The following SDK2 variants were observed in gnomAD, a reference collection of about 807,000 sequenced individuals.
The protein encoded by SDK2 is sidekick cell adhesion molecule 2.
SDK2 carries 105 observed loss-of-function variants against 253.9 expected under a neutral mutation model. The ratio of observed to expected loss-of-function variants is 0.41; its 90% CI spans 0.35 to 0.49. SDK2 has a LOEUF of 0.49. Among genes scored for constraint, SDK2 ranks in the 20% least tolerant of loss-of-function variants. SDK2 has a pLI of 0.06. For missense variants in SDK2, 2,608 were observed against 3,003.0 expected, an observed-to-expected ratio of 0.87 and a Z score of 3.07; for synonymous variants, 1,249 against 1,234.9, an observed-to-expected ratio of 1.01 and a Z score of -0.24.
intron 24 of SDK2, 123 bp downstream of exon 24, chr17:73,397,912 C>T (rs376888468): frequency 4.9e-5 from 53 of 1,081,592 alleles, no homozygotes; most frequent in East Asian, 2.6e-4. Context: ...GATTATCAGG[C>T]ATCTCATCAG....
chr17:73,471,009 C>A (rs993064097), intron 3 of SDK2, among the ~76,000 whole-genome samples: 1 of 151,908 alleles, frequency 6.6e-6, no homozygotes, highest in African/African-American at 2.4e-5. Flanking sequence ...ACTCTAGGAC[C>A]CTGGCCCCTG....
chr17:73,526,429 G>A (rs554601624), intron 1 of SDK2, among the ~76,000 whole-genome samples: 269 of 152,274 alleles, frequency 1.8e-3, no homozygotes, highest in Non-Finnish European at 2.9e-3. Flanking sequence ...GAAGGGGGTG[G>A]GAATAATGTA....
At chr17:73,377,640 T>G (rs2062794007) in intron 36 of SDK2, among the ~76,000 whole-genome samples, 2 of 151,650 alleles carry the variant, frequency 1.3e-5, no homozygotes, top group Admixed American at 1.3e-4. Flanking sequence ...GCTTTTTTTT[T>G]TTTTTTGAGA....
rs367853518 is a variant in SDK2, at chr17:73,415,863, G to A, written c.2316C>T (p.Ser772=). 4 of 1,569,172 alleles carry A rather than the reference G, an allele frequency of 2.5e-6. No homozygotes were observed. The highest frequency in any genetic ancestry group is 1.2e-5 in the South Asian group (1 of 85,160). ...TACTGCTGTAGACCCCCAGCCCAGCGCTGTTGTAAGCAGCCACCTCGATCT... is the reference window on the plus strand; with the variant it reads ...TACTGCTGTAGACCCCCAGCCCAGCACTGTTGTAAGCAGCCACCTCGATCT... The part of the protein sequence containing the change: ...NYEIEVAAYN[S]AGLGVYSSKV... Residue 772 remains serine (S), a synonymous_variant, in exon 17 of 45, where the codon AGC becomes AGT. Transcript: ENST00000392650.
In SDK2 at chr17:73,509,902, CAAAAAAAA is replaced by C. The variant is rs71157018; in HGVS notation, c.65-2313_65-2306del. Among the ~76,000 whole-genome samples the C allele has an allele frequency of 3.9e-4, 10 of 25,394 alleles. 2 individuals are homozygous for C. The highest frequency in any genetic ancestry group is 1.9e-3 in the African/African-American group (10 of 5,260). The allele number at this position is 25,394 out of a possible 152,430, so 16.7% of individuals were successfully genotyped here. A position where few individuals can be genotyped will look rare whatever the true frequency, so the allele number is the denominator to read the frequency against. Reference sequence around the variant, plus strand: ...GCAACAGAGCAAGACTCCATCTCTACAAAAAAAAAAAAAAAAAAAAGAAGGAAAGAAAG... The same window carrying C: ...GCAACAGAGCAAGACTCCATCTCTACAAAAAAAAAAAAGAAGGAAAGAAAG... On this transcript the variant is annotated intron_variant, in intron 1 of 44. Transcript: ENST00000392650.
intron 44 of SDK2, among the ~76,000 whole-genome samples, chr17:73,344,190 T>C (rs1367776141): frequency 6.6e-6 from 1 of 152,170 alleles, no homozygotes; most frequent in Non-Finnish European, 1.5e-5. Context: ...TGTGTTAAGA[T>C]AGCTGGAAAT....
chr17:73,511,384 C>T lies in SDK2; in HGVS notation c.65-3787G>A, dbSNP rs2145768141. 6.6e-6 allele frequency among the ~76,000 whole-genome samples: 1 copy of T among 152,336 alleles called. No homozygotes were observed. The highest frequency in any genetic ancestry group is 2.4e-5 in the African/African-American group (1 of 41,582). On this transcript the variant is annotated intron_variant, in intron 1 of 44. Coordinates refer to ENST00000392650, the MANE Select transcript of SDK2 (RefSeq NM_001144952.2). The surrounding 1 kb of genome is among the most constrained non-coding windows in gnomAD (Gnocchi z 4.9). The stretch of plus-strand genomic sequence containing the variant: ...CACGCACACGCTCTGCGCCCAGACG[C>T]CCTCGCCTCTGTAAACCTGCTCACT...
chr17:73,502,674 C>T (rs1176344798), intron 2 of SDK2, among the ~76,000 whole-genome samples: 2 of 152,044 alleles, frequency 1.3e-5, no homozygotes, highest in African/African-American at 2.4e-5. Flanking sequence ...AAGAATGCCA[C>T]CTAAGTAAAA....
chr17:73,483,659 GTGTATATATATATATATATATATT>G (rs1447256973), intron 2 of SDK2, among the ~76,000 whole-genome samples: 1 of 28,096 alleles, frequency 3.6e-5, no homozygotes, highest in African/African-American at 1.1e-4. Context: ...GTGTGTGTGT[GTGTATATATATATATATATATATT>G]TATATATATA....
chr17:73,346,693 A>T (rs1599468859), intron 44 of SDK2, among the ~76,000 whole-genome samples: 1 of 152,162 alleles, frequency 6.6e-6, no homozygotes, highest in East Asian at 1.9e-4. Flanking sequence ...TTGCCATATC[A>T]CAGGAAAACG....
intron 1 of SDK2, among the ~76,000 whole-genome samples, chr17:73,626,735 C>T (rs1213877075): frequency 2.0e-5 from 3 of 152,216 alleles, no homozygotes; most frequent in Non-Finnish European, 4.4e-5. Context: ...CAGCCCAGCA[C>T]ATTCTAGGAA....
chr17:73,546,327 G>A (rs1269650448), intron 1 of SDK2, among the ~76,000 whole-genome samples: 1 of 152,250 alleles, frequency 6.6e-6, no homozygotes, highest in Non-Finnish European at 1.5e-5. Flanking sequence ...TGACGGGCCT[G>A]GCGGCCAGTG....
intron 2 of SDK2, chr17:73,504,256 GTGT>G (rs1256131398): frequency 2.5e-5 from 2 of 78,932 alleles, no homozygotes; most frequent in African/African-American, 8.0e-5. Context: ...GTGTGTGTGT[GTGT>G]GTGTGTGAAA....
chr17:73,513,792 T>G (rs1005084607), intron 1 of SDK2: 2 of 152,214 alleles, frequency 1.3e-5, no homozygotes, highest in Non-Finnish European at 2.9e-5. Flanking sequence ...GAACTACTGG[T>G]AAGTGACAAA....
intron 1 of SDK2, among the ~76,000 whole-genome samples, chr17:73,556,630 G>A (rs975096201): frequency 2.0e-5 from 3 of 152,346 alleles, no homozygotes; most frequent in Non-Finnish European, 2.9e-5. Context: ...TGGCATTGCT[G>A]TTATTGTATG....
rs867999 is a variant in SDK2, at chr17:73,369,151, G to A, written c.4981-558C>T. 3,020 of 470,984 alleles carry A rather than the reference G, an allele frequency of 6.4e-3. 30 individuals are homozygous for A. Among genetic ancestry groups the A allele is most frequent in the South Asian group, 0.021 (1,327 of 64,544 alleles). The allele number at this position is 470,984 out of a possible 1,614,324, so 29.2% of individuals were successfully genotyped here. A position where few individuals can be genotyped will look rare whatever the true frequency, so the allele number is the denominator to read the frequency against. ...GTGTCTGTGTTTCCCGCCATGCCTG[G>A]AGGATTTACCATAGCGCTGGCACAT... On this transcript the variant is annotated intron_variant, in intron 36 of 44. Coordinates refer to ENST00000392650, the MANE Select transcript of SDK2 (RefSeq NM_001144952.2).
chr17:73,643,961 G>GCCCCCCCCCCCCCCCC lies in SDK2; in HGVS notation c.64+63_64+64insGGGGGGGGGGGGGGGG. On this transcript the variant is annotated intron_variant, in intron 1 of 44. Transcript: ENST00000392650. This position sits in a 1 kb window ranked among gnomAD's most constrained non-coding sequence, Gnocchi z 6.9. ...GTCACCGTGAGGCCGGCCAGCTCCC[G>GCCCCCCCCCCCCCCCC]CCGCCCCTCCCCCGCCCACTCTCCC... 1 of 514,828 alleles carries GCCCCCCCCCCCCCCCC rather than the reference G, an allele frequency of 1.9e-6. No individual in the cohort carries two copies. The highest frequency in any genetic ancestry group is 3.8e-6 in the Non-Finnish European group (1 of 262,944). The allele number at this position is 514,828 out of a possible 1,614,324, so 31.9% of individuals were successfully genotyped here. A position where few individuals can be genotyped will look rare whatever the true frequency, so the allele number is the denominator to read the frequency against.
chr17:73,371,081 A>T (rs2062731460), intron 36 of SDK2, among the ~76,000 whole-genome samples: 1 of 152,156 alleles, frequency 6.6e-6, no homozygotes, highest in Non-Finnish European at 1.5e-5. Flanking sequence ...ACATAAAAAT[A>T]ACGAAAAGCA....
Position 73,387,905 on chromosome 17 carries a change from A to G in SDK2, c.4325T>C (p.Leu1442Pro), listed in dbSNP as rs1487020674. 2 of 1,591,588 alleles carry G rather than the reference A, an allele frequency of 1.3e-6. No individual in the cohort carries two copies. The change falls in exon 30 of 45, where the codon CTG becomes CCG. Residue 1442 changes from leucine to proline, a missense_variant. Around this residue, in one of 2 missense-constraint regions of SDK2, gnomAD observed 1,103 missense variants for 1,143.9 expected, o/e 0.96. Coordinates refer to ENST00000392650, the MANE Select transcript of SDK2 (RefSeq NM_001144952.2). ...GTGCAGTGCCCACCTGCCGCTGGGCAGCTCGCGGGTCTGGATGGTGTAGTA... is the reference window on the plus strand; with the variant it reads ...GTGCAGTGCCCACCTGCCGCTGGGCGGCTCGCGGGTCTGGATGGTGTAGTA... ...VRYYTIQTRE[L>P]PSGRWALHSA...
Sources: allele counts gnomAD v4.1 joint callset (sites outside exome capture counted in the v4.1 genomes callset), GRCh38; gene constraint gnomAD v4.1.1; regional missense constraint gnomAD v4.1.1; non-coding constraint Gnocchi (gnomAD v3.1); transcripts MANE v1.5; gene names NCBI Gene and HGNC (gene_info 2026-07-23, HGNC 2026-07-21).